The following PRPF18 variants were observed in gnomAD, a reference collection of about 807,000 sequenced individuals.
PRPF18 encodes the protein pre-mRNA-splicing factor 18.
A neutral mutation model predicts 46.5 loss-of-function variants in PRPF18; 38 were observed. The observed-to-expected ratio is 0.82, with a 90% CI of 0.63 to 1.07. PRPF18 has a LOEUF of 1.07. Among genes scored for constraint, PRPF18 ranks in the 50% least tolerant of loss-of-function variants. The pLI, the probability that PRPF18 is intolerant of heterozygous loss-of-function variation, is 0.00. For missense variants in PRPF18, 263 were observed against 410.0 expected, an observed-to-expected ratio of 0.64 and a Z score of 3.10; for synonymous variants, 152 against 146.7, an observed-to-expected ratio of 1.04 and a Z score of -0.26.
At position 13,612,923 on chromosome 10, in the gene PRPF18, G is replaced by T. The variant is rs528838392; in HGVS notation, c.580-818G>T. On this transcript the variant is annotated intron_variant, in intron 6 of 9. Coordinates refer to ENST00000378572, the MANE Select transcript of PRPF18 (RefSeq NM_003675.4). ...CTAGATAGAGTATGAACAAATCCCA[G>T]ATATTTTATTGTTTATTCACAAACT... 4.6e-5 allele frequency among the ~76,000 whole-genome samples: 7 copies of T among 152,166 alleles called. No individual in the cohort carries two copies. In the East Asian group the frequency reaches 1.4e-3, roughly 29 times the overall value.
At chr10:13,589,866 G>A (rs1416338103) in intron 1 of PRPF18, among the ~76,000 whole-genome samples, 2 of 152,104 alleles carry the variant, frequency 1.3e-5, no homozygotes, top group African/African-American at 4.8e-5. Flanking sequence ...GTAGGTATGG[G>A]GAAAAGCTTG....
intron 6 of PRPF18, among the ~76,000 whole-genome samples, chr10:13,613,148 C>T (rs2133743409): frequency 6.6e-6 from 1 of 152,138 alleles, no homozygotes; most frequent in Non-Finnish European, 1.5e-5. Flanking sequence ...GATGATGCCC[C>T]TAGAGGACAA....
the PRPF18 span, chr10:13,641,643 CA>C: frequency 2.6e-5 from 4 of 152,182 alleles, no homozygotes; most frequent in Admixed American, 6.5e-5. Context: ...ACTACGATAC[CA>C]GGTGGAAAAC....
chr10:13,645,880 G>GAAAC, the PRPF18 span: 1 of 152,630 alleles, frequency 6.6e-6, no homozygotes, highest in Admixed American at 6.5e-5. Context: ...AAACGAAAAT[G>GAAAC]AAACACCTTG....
intron 9 of PRPF18, 48 bp from the exon 10 acceptor site, chr10:13,630,212 A>C (rs113227121): frequency 7.0e-7 from 1 of 1,437,244 alleles, no homozygotes; most frequent in Non-Finnish European, 9.8e-7. Context: ...GCAGTTAAGA[A>C]TAATTTAACC....
At chr10:13,605,358 C>T (rs551473969) in intron 3 of PRPF18, among the ~76,000 whole-genome samples, 2 of 152,050 alleles carry the variant, frequency 1.3e-5, no homozygotes, top group South Asian at 2.1e-4. Flanking sequence ...CCGAGGCAGG[C>T]GGATCACAAG....
chr10:13,636,734 CT>C, the PRPF18 span, among the ~76,000 whole-genome samples: 1 of 152,202 alleles, frequency 6.6e-6, no homozygotes, highest in African/African-American at 2.4e-5. Flanking sequence ...CCAGAAATCT[CT>C]TCATGTCCTC....
At chr10:13,593,279 G>T (rs2079990017) in intron 1 of PRPF18, among the ~76,000 whole-genome samples, 1 of 152,208 alleles carries the variant, frequency 6.6e-6, no homozygotes, top group Non-Finnish European at 1.5e-5. Flanking sequence ...AAGCAAACCA[G>T]TAAGTGAGGA....
intron 1 of PRPF18, chr10:13,591,535 A>C: frequency 1.4e-6 from 1 of 723,446 alleles, no homozygotes; most frequent in South Asian, 1.4e-5. Context: ...GCTTAGGAAT[A>C]GCTTTGATTT....
At chr10:13,652,691 C>A in the PRPF18 span, among the ~76,000 whole-genome samples, 1 of 152,256 alleles carries the variant, frequency 6.6e-6, no homozygotes, top group East Asian at 1.9e-4. Context: ...CGAGCTGGGG[C>A]TCCAGTTTCT....
At chr10:13,643,258 A>G in the PRPF18 span, 1 of 152,326 alleles carries the variant, frequency 6.6e-6, no homozygotes, top group African/African-American at 2.4e-5. Context: ...GAGGGACAAC[A>G]TGGAGAGACT....
At chr10:13,641,787 T>C in the PRPF18 span, 1 of 152,332 alleles carries the variant, frequency 6.6e-6, no homozygotes, top group Non-Finnish European at 1.5e-5. Flanking sequence ...GATTTGGCAT[T>C]GCAGGGAGTC....
At chr10:13,606,737 A>AAAAAAAG in intron 4 of PRPF18, among the ~76,000 whole-genome samples, 1 of 93,970 alleles carries the variant, frequency 1.1e-5, no homozygotes, top group Admixed American at 1.1e-4. Flanking sequence ...CCTTCTCAAA[A>AAAAAAAG]AAAAAAAAAA....
intron 2 of PRPF18, among the ~76,000 whole-genome samples, chr10:13,598,803 A>G (rs1014409500): frequency 6.6e-6 from 1 of 152,198 alleles, no homozygotes; most frequent in Non-Finnish European, 1.5e-5. Context: ...AATCACTTAC[A>G]TAGGTTTACT....
At chr10:13,594,790 C>G (rs2080010808) in intron 1 of PRPF18, among the ~76,000 whole-genome samples, 1 of 152,186 alleles carries the variant, frequency 6.6e-6, no homozygotes, top group Admixed American at 6.5e-5. Flanking sequence ...TAAATACTAT[C>G]ATTGTTTTCT....
At chr10:13,599,829 A>G (rs1327343061) in intron 2 of PRPF18, among the ~76,000 whole-genome samples, 3 of 152,246 alleles carry the variant, frequency 2.0e-5, no homozygotes, top group South Asian at 4.1e-4. Context: ...AAATTCTTTT[A>G]TCTTCATTTT....
At chr10:13,625,682 G>A (rs1357848178) in intron 9 of PRPF18, among the ~76,000 whole-genome samples, 1 of 152,232 alleles carries the variant, frequency 6.6e-6, no homozygotes, top group Non-Finnish European at 1.5e-5. Flanking sequence ...AAGAATGCAT[G>A]TTGGAAGGCC....
chr10:13,651,374 A>G, the PRPF18 span: 4 of 153,150 alleles, frequency 2.6e-5, no homozygotes, highest in Non-Finnish European at 4.4e-5. Context: ...TTTCAGGGAC[A>G]CTGATTACTC....
At chr10:13,643,630 T>A in the PRPF18 span, 1 of 152,602 alleles carries the variant, frequency 6.6e-6, no homozygotes, top group Non-Finnish European at 1.5e-5. Flanking sequence ...AGCACCTGAA[T>A]TACAGATTCC....
Sources: gnomAD v4.1 joint callset for allele counts (sites outside exome capture counted in the v4.1 genomes callset) on GRCh38, gnomAD v4.1.1 for gene constraint, MANE v1.5 for transcripts, NCBI Gene and HGNC (gene_info 2026-07-23, HGNC 2026-07-21) for gene names.